Variants in FBXL7 observed in about 807,000 individuals in gnomAD.
FBXL7 encodes F-box/LRR-repeat protein 7.
In FBXL7, 12 loss-of-function variants were observed where a neutral mutation model predicts 38.3. That is an observed-to-expected ratio of 0.31 (90% CI 0.20 to 0.51). The LOEUF is 0.51. Ranked by LOEUF, FBXL7 falls within the 20% of genes least tolerant of loss-of-function variation. The pLI, the probability that FBXL7 is intolerant of heterozygous loss-of-function variation, is 0.98. For missense variants in FBXL7, 567 were observed against 676.4 expected (o/e 0.84, Z 1.79); for synonymous variants, 297 against 300.9 (o/e 0.99, Z 0.13).
In FBXL7 at chr5:15,744,486, A is replaced by T. The variant is rs532718349; in HGVS notation, c.127+128414A>T. Among the ~76,000 whole-genome samples, 3 of 152,158 alleles carry T rather than the reference A, an allele frequency of 2.0e-5. No individual in the cohort carries two copies. The South Asian group carries it at 6.2e-4, about 31-fold the overall frequency. ...TCAGCATTTTGTTCAAGACCATTCA[A>T]CAAGTCTCTAGGAAGTTTCAAACTT... On this transcript the variant is annotated intron_variant, in intron 2 of 3. Coordinates refer to ENST00000504595, the MANE Select transcript of FBXL7 (RefSeq NM_012304.5).
intron 1 of FBXL7, among the ~76,000 whole-genome samples, chr5:15,608,046 A>G (rs1740088975): frequency 6.6e-6 from 1 of 152,202 alleles, no homozygotes; most frequent in African/African-American, 2.4e-5. Context: ...AGCAGTTAGA[A>G]AGAGTGGATT....
chr5:15,827,009 C>A (rs943429941), intron 2 of FBXL7, among the ~76,000 whole-genome samples: 1 of 150,534 alleles, frequency 6.6e-6, no homozygotes, highest in Admixed American at 6.6e-5. Context: ...CTCCATTTTT[C>A]TGTTTTCTTC....
intron 1 of FBXL7, among the ~76,000 whole-genome samples, chr5:15,513,532 G>T (rs938703771): frequency 6.6e-6 from 1 of 152,100 alleles, no homozygotes; most frequent in East Asian, 1.9e-4. Context: ...CTGTGATGTG[G>T]TATCTGCCTG....
intron 2 of FBXL7, among the ~76,000 whole-genome samples, chr5:15,824,182 G>A (rs965701809): frequency 1.3e-5 from 2 of 151,750 alleles, no homozygotes; most frequent in Admixed American, 1.3e-4. Context: ...TGTAATCCCA[G>A]CTACTCGGGA....
chr5:15,609,663 C>T (rs1580403316), intron 1 of FBXL7, among the ~76,000 whole-genome samples: 1 of 152,196 alleles, frequency 6.6e-6, no homozygotes, highest in African/African-American at 2.4e-5. Context: ...CTTTCCTTGA[C>T]TTGTGGTCAT....
intron 2 of FBXL7, among the ~76,000 whole-genome samples, chr5:15,808,013 C>G (rs757831966): frequency 3.9e-5 from 6 of 152,146 alleles, no homozygotes; most frequent in Non-Finnish European, 7.3e-5. Flanking sequence ...ACTGTCTTCC[C>G]CCGTGACCGT....
chr5:15,674,459 T>G (rs1391108123), intron 2 of FBXL7, among the ~76,000 whole-genome samples: 1 of 152,206 alleles, frequency 6.6e-6, no homozygotes, highest in African/African-American at 2.4e-5. Flanking sequence ...TCTGCAGAGA[T>G]AGTTAAATTA....
At chr5:15,623,095 C>T (rs781491351) in intron 2 of FBXL7, among the ~76,000 whole-genome samples, 9 of 152,176 alleles carry the variant, frequency 5.9e-5, no homozygotes, top group Admixed American at 1.3e-4. Context: ...ACATAACTTT[C>T]GCTATTTAAT....
intron 2 of FBXL7, among the ~76,000 whole-genome samples, chr5:15,701,159 AC>A (rs1358731654): frequency 6.6e-6 from 1 of 152,164 alleles, no homozygotes; most frequent in African/African-American, 2.4e-5. Context: ...TTTTTCACTC[AC>A]CACTGAGACT....
chr5:15,648,027 C>G (rs538896029), intron 2 of FBXL7, among the ~76,000 whole-genome samples: 399 of 152,330 alleles, frequency 2.6e-3, no homozygotes, highest in Non-Finnish European at 3.3e-3. Flanking sequence ...CTTATAAACA[C>G]TTGCCGCCAG....
intron 2 of FBXL7, among the ~76,000 whole-genome samples, chr5:15,783,641 G>A (rs549558778): frequency 6.6e-6 from 1 of 152,262 alleles, no homozygotes; most frequent in Non-Finnish European, 1.5e-5. Flanking sequence ...GAGGTTCAGG[G>A]GATACCCAAG....
intron 1 of FBXL7, among the ~76,000 whole-genome samples, chr5:15,534,174 A>G (rs982302622): frequency 1.3e-5 from 2 of 152,198 alleles, no homozygotes; most frequent in African/African-American, 4.8e-5. Context: ...ACATTGACAC[A>G]TCATTATCAC....
At chr5:15,844,395 C>T (rs1030147054) in intron 2 of FBXL7, among the ~76,000 whole-genome samples, 1 of 152,178 alleles carries the variant, frequency 6.6e-6, no homozygotes, top group Admixed American at 6.5e-5. Context: ...AAATACACAG[C>T]AGTAATATTC....
At chr5:15,509,449 T>C (rs1736733674) in intron 1 of FBXL7, among the ~76,000 whole-genome samples, 1 of 152,158 alleles carries the variant, frequency 6.6e-6, no homozygotes, top group Non-Finnish European at 1.5e-5. Context: ...ACAGAAAGAC[T>C]CTACTTCCCC....
chr5:15,903,489 AG>A (rs1400131938), intron 2 of FBXL7, among the ~76,000 whole-genome samples: 1 of 152,216 alleles, frequency 6.6e-6, no homozygotes, highest in Admixed American at 6.5e-5. Context: ...AAAACAGAGA[AG>A]GAGTAGGGAA....
intron 2 of FBXL7, among the ~76,000 whole-genome samples, chr5:15,697,319 T>C (rs1329472050): frequency 6.6e-6 from 1 of 152,136 alleles, no homozygotes; most frequent in Non-Finnish European, 1.5e-5. Context: ...GCACAAAATT[T>C]ATAATCAAGA....
chr5:15,676,333 C>CAT (rs1445832087), intron 2 of FBXL7, among the ~76,000 whole-genome samples: 1 of 152,202 alleles, frequency 6.6e-6, no homozygotes, highest in Admixed American at 6.5e-5. Context: ...TTTCTGCTGT[C>CAT]ATATCCGATT....
intron 2 of FBXL7, among the ~76,000 whole-genome samples, chr5:15,700,361 CAAT>C (rs552881798): frequency 2.2e-4 from 33 of 152,328 alleles, no homozygotes; most frequent in Non-Finnish European, 3.8e-4. Context: ...CAGACACACT[CAAT>C]AATACGTACG....
At chr5:15,758,323 T>C (rs1041415303) in intron 2 of FBXL7, among the ~76,000 whole-genome samples, 4 of 152,022 alleles carry the variant, frequency 2.6e-5, no homozygotes, top group African/African-American at 7.2e-5. Context: ...TTTTTTTTTT[T>C]TTAATTTTAG....
Sources: allele counts gnomAD v4.1 joint callset (sites outside exome capture counted in the v4.1 genomes callset), GRCh38; gene constraint gnomAD v4.1.1; transcripts MANE v1.5; gene names NCBI Gene and HGNC (gene_info 2026-07-23, HGNC 2026-07-21).